Variants in ANKRD34B observed in about 807,000 individuals in gnomAD.
The protein encoded by ANKRD34B is ankyrin repeat domain 34B, also known as ankyrin repeat domain-containing protein 34B.
ANKRD34B carries 2 observed loss-of-function variants against 4.4 expected under a neutral mutation model. The observed-to-expected ratio is 0.46, with a 90% CI of 0.19 to 1.44. The LOEUF is 1.44. Ranked by LOEUF, ANKRD34B falls within the 40% of genes most tolerant of loss-of-function variation. The probability of loss-of-function intolerance (pLI) is 0.26; values close to 1 mark genes in which losing one functional copy is unlikely to be tolerated. For synonymous variants in ANKRD34B, 226 were observed against 227.1 expected (o/e 0.99, Z 0.05); for missense variants, 558 against 604.7 (o/e 0.92, Z 0.81).
In ANKRD34B at chr5:80,559,474, G is replaced by C; in HGVS notation, c.546C>G (p.Thr182=). Residue 182 remains threonine, a synonymous_variant, in exon 5 of 5, where the codon ACC becomes ACG. Transcript: ENST00000338682. ...VDIDGCHSPA[T]CTTPSEIDIK... The stretch of plus-strand genomic sequence containing the variant: ...TGTCTATTTCTGAAGGAGTGGTGCA[G>C]GTAGCTGGGGAATGACACCCATCTA... 1 of 1,614,212 alleles carries C rather than the reference G, an allele frequency of 6.2e-7. No individual in the cohort carries two copies. The highest frequency in any genetic ancestry group is 8.5e-7 in the Non-Finnish European group (1 of 1,180,036).
In ANKRD34B at chr5:80,558,633, T is replaced by C. The variant is rs1290622442; in HGVS notation, c.1387A>G (p.Ile463Val). 6.2e-7 allele frequency: 1 copy of C among 1,614,072 alleles called. No homozygotes were observed. Among genetic ancestry groups the C allele is most frequent in the Non-Finnish European group, 8.5e-7 (1 of 1,180,040 alleles). The stretch of plus-strand genomic sequence containing the variant: ...CTGCAAATCTTGTTGTTGACATTGA[T>C]ATCTGAGATGGGAGGGTGAGAATTT... The part of the protein sequence containing the change: ...NVNSHPPISD[I>V]NVNNKICSLL... The change falls in exon 5 of 5, where the codon ATC (isoleucine) becomes GTC (valine). Residue 463 changes from isoleucine (I) to valine (V), a missense_variant. Coordinates refer to ENST00000338682, the MANE Select transcript of ANKRD34B (RefSeq NM_001004441.3).
intron 3 of ANKRD34B, among the ~76,000 whole-genome samples, chr5:80,565,997 A>G (rs946502163): frequency 3.9e-5 from 6 of 152,366 alleles, no homozygotes; most frequent in Admixed American, 3.9e-4. Context: ...TCATCATGGC[A>G]TATTTACGAT....
chr5:80,558,467 C>A lies in ANKRD34B; in HGVS notation c.*8G>T. 1 of 1,561,476 alleles carries A rather than the reference C, an allele frequency of 6.4e-7. No individual in the cohort carries two copies. Among genetic ancestry groups the A allele is most frequent in the Non-Finnish European group, 8.8e-7 (1 of 1,138,156 alleles). On this transcript the variant is annotated 3_prime_UTR_variant, in exon 5 of 5. Coordinates refer to ENST00000338682, the MANE Select transcript of ANKRD34B (RefSeq NM_001004441.3). ...ACATTTGAAGAAGATGTGTTTTATA[C>A]CCATCTCCTAGAAGTTTACTAATTG... is the stretch of plus-strand genomic sequence containing the variant.
intron 4 of ANKRD34B, among the ~76,000 whole-genome samples, chr5:80,562,366 T>C (rs1054330881): frequency 6.6e-6 from 1 of 152,096 alleles, no homozygotes; most frequent in Non-Finnish European, 1.5e-5. Flanking sequence ...AGGCAGTCAC[T>C]AGGAGATAGA....
chr5:80,557,172 C>G lies in ANKRD34B; in HGVS notation c.*1303G>C, dbSNP rs557570184. The G allele has an allele frequency of 6.6e-6, 1 of 152,520 alleles. No homozygotes were observed. Among genetic ancestry groups the G allele is most frequent in the South Asian group, 2.1e-4 (1 of 4,820 alleles). 9.4% of individuals were successfully genotyped at this position (152,520 alleles called of 1,614,324 possible). ...TAGGTTTTGTATAGTCTGATTTATC[C>G]TTTGTTGTTAAGCTGCTAGACTGAA... is the stretch of plus-strand genomic sequence containing the variant. On this transcript the variant is annotated 3_prime_UTR_variant, in exon 5 of 5. Coordinates refer to ENST00000338682, the MANE Select transcript of ANKRD34B (RefSeq NM_001004441.3).
At chr5:80,564,174 T>C (rs72765511) in intron 3 of ANKRD34B, among the ~76,000 whole-genome samples, 1 of 152,146 alleles carries the variant, frequency 6.6e-6, no homozygotes, top group South Asian at 2.1e-4. Flanking sequence ...AACATTTTTT[T>C]AAATATTTTA....
At chr5:80,566,045 C>T (rs937375553) in intron 3 of ANKRD34B, among the ~76,000 whole-genome samples, 8 of 152,188 alleles carry the variant, frequency 5.3e-5, no homozygotes, top group South Asian at 2.1e-4. Flanking sequence ...AAGATGCCAC[C>T]AAAATAATAA....
At chr5:80,569,640 C>T (rs973596460) in intron 1 of ANKRD34B, among the ~76,000 whole-genome samples, 1 of 151,690 alleles carries the variant, frequency 6.6e-6, no homozygotes, top group Admixed American at 6.6e-5. Flanking sequence ...CCCGCGCGCT[C>T]TTGCGGCCCA....
Position 80,559,114 on chromosome 5 carries a change from A to G in ANKRD34B, c.906T>C (p.Thr302=), listed in dbSNP as rs1171153914. ...GATCAAAGGCTCTTAGCAAATGTGCAGTGTCTTTTACATCAATGCTTTGGT... is the reference window on the plus strand; with the variant it reads ...GATCAAAGGCTCTTAGCAAATGTGCGGTGTCTTTTACATCAATGCTTTGGT... ...TRHQSIDVKD[T]AHLLRAFDQA... is the part of the protein sequence containing the mutation. Residue 302 remains threonine, a synonymous_variant, in exon 5 of 5, where the codon ACT becomes ACC. Coordinates refer to ENST00000338682, the MANE Select transcript of ANKRD34B (RefSeq NM_001004441.3). 6.2e-7 allele frequency: 1 copy of G among 1,614,222 alleles called. No individual in the cohort carries two copies. Among genetic ancestry groups the G allele is most frequent in the South Asian group, 1.1e-5 (1 of 91,088 alleles).
chr5:80,564,066 C>T (rs1388759660), intron 3 of ANKRD34B, among the ~76,000 whole-genome samples: 1 of 152,152 alleles, frequency 6.6e-6, no homozygotes, highest in Non-Finnish European at 1.5e-5. Context: ...TACCAGATTT[C>T]AATATTATAC....
intron 3 of ANKRD34B, among the ~76,000 whole-genome samples, chr5:80,566,219 T>C (rs1318322713): frequency 6.6e-6 from 1 of 152,072 alleles, no homozygotes; most frequent in Non-Finnish European, 1.5e-5. Context: ...CTGCAGGACA[T>C]AGACCCAGGG....
chr5:80,559,244 T>TTC lies in ANKRD34B; in HGVS notation c.774_775dup (p.Asn259ArgfsTer42). 1 of 1,614,158 alleles carries TTC rather than the reference T, an allele frequency of 6.2e-7. No homozygotes were observed. Among genetic ancestry groups the TTC allele is most frequent in the South Asian group, 1.1e-5 (1 of 91,078 alleles). On this transcript the variant is annotated frameshift_variant, in exon 5 of 5. Transcript: ENST00000338682. LOFTEE classifies it low-confidence loss of function (END_TRUNC). ...CTCCTCTTGCAATGAAGCCACTCTG[T>TTC]TCTGGTGCATTAATAATGGGGGACT...
In ANKRD34B at chr5:80,558,607, G is replaced by A. The variant is rs1746317775; in HGVS notation, c.1413C>T (p.Ser471=). ...GCACTTTTTGACCACAAGAAAGAAG[G>A]CTGCAAATCTTGTTGTTGACATTGA... The part of the protein sequence containing the change: ...SDINVNNKIC[S]LLSCGQKVLM... The change falls in exon 5 of 5, where the codon AGC becomes AGT. Residue 471 remains serine (S), a synonymous_variant. Coordinates refer to ENST00000338682, the MANE Select transcript of ANKRD34B (RefSeq NM_001004441.3). 2 of 1,614,098 alleles carry A rather than the reference G, an allele frequency of 1.2e-6. No homozygotes were observed. The highest frequency in any genetic ancestry group is 2.2e-5 in the East Asian group (1 of 44,886).
chr5:80,569,997 G>A (rs1419894516), intron 1 of ANKRD34B, among the ~76,000 whole-genome samples, 157 bp downstream of exon 1: 1 of 152,236 alleles, frequency 6.6e-6, no homozygotes, highest in Admixed American at 6.5e-5. Context: ...AGCGGGAGGT[G>A]CGGGCTTCAG....
chr5:80,562,894 A>T (rs527441605), intron 4 of ANKRD34B, among the ~76,000 whole-genome samples: 1 of 152,314 alleles, frequency 6.6e-6, no homozygotes, highest in East Asian at 1.9e-4. Flanking sequence ...GAGCAGCCAC[A>T]CCAAAAATTT....
At position 80,557,197 on chromosome 5, in the gene ANKRD34B, A is replaced by G. The variant is rs1746259974; in HGVS notation, c.*1278T>C. 1 of 152,474 alleles carries G rather than the reference A, an allele frequency of 6.6e-6. No individual in the cohort carries two copies. Among genetic ancestry groups the G allele is most frequent in the Non-Finnish European group, 1.5e-5 (1 of 67,968 alleles). 9.4% of individuals were successfully genotyped at this position (152,474 alleles called of 1,614,324 possible). A position where few individuals can be genotyped will look rare whatever the true frequency, so the allele number is the denominator to read the frequency against. ...CTTTGTTGTTAAGCTGCTAGACTGA[A>G]ATAAGGATTCTTTGTATAAACATCA... On this transcript the variant is annotated 3_prime_UTR_variant, in exon 5 of 5. Coordinates refer to ENST00000338682, the MANE Select transcript of ANKRD34B (RefSeq NM_001004441.3).
intron 4 of ANKRD34B, among the ~76,000 whole-genome samples, chr5:80,562,052 CGTGT>C (rs56934964): frequency 0.069 from 8,825 of 127,990 alleles, 325 homozygotes; most frequent in Non-Finnish European, 0.085. Context: ...ACTGACTCAG[CGTGT>C]GTGTGTGTGT....
At chr5:80,563,922 G>A (rs1275001395) in intron 3 of ANKRD34B, 107 bp from the exon 4 acceptor site, 4 of 152,140 alleles carry the variant, frequency 2.6e-5, no homozygotes, top group Middle Eastern at 3.2e-3. Context: ...AAATGAGCTG[G>A]AATGTAATAT....
chr5:80,567,706 C>T (rs970370981), intron 2 of ANKRD34B, among the ~76,000 whole-genome samples: 2 of 151,194 alleles, frequency 1.3e-5, no homozygotes, highest in Admixed American at 6.6e-5. Flanking sequence ...ATAGGATCCA[C>T]GCTTCCTCTC....
Sources: gnomAD v4.1 joint callset for allele counts (sites outside exome capture counted in the v4.1 genomes callset) on GRCh38, gnomAD v4.1.1 for gene constraint, MANE v1.5 for transcripts, NCBI Gene and HGNC (gene_info 2026-07-23, HGNC 2026-07-21) for gene names.